Variants in DAAM1 observed in about 807,000 individuals in gnomAD.
DAAM1 encodes disheveled-associated activator of morphogenesis 1.
DAAM1 carries 52 observed loss-of-function variants against 130.0 expected under a neutral mutation model. The observed-to-expected ratio is 0.40, with a 90% CI of 0.32 to 0.50. DAAM1 has a LOEUF of 0.50. Among genes scored for constraint, DAAM1 ranks in the 20% least tolerant of loss-of-function variants. The pLI, the probability that DAAM1 is intolerant of heterozygous loss-of-function variation, is 0.61. For synonymous variants in DAAM1, 452 were observed against 444.5 expected, an observed-to-expected ratio of 1.02 and a Z score of -0.21; for missense variants, 1,134 against 1,303.8, an observed-to-expected ratio of 0.87 and a Z score of 2.01.
chr14:59,341,196 G>A (rs1435495462), intron 16 of DAAM1, among the ~76,000 whole-genome samples: 1 of 152,140 alleles, frequency 6.6e-6, no homozygotes, highest in African/African-American at 2.4e-5. Flanking sequence ...TCTTTGAATT[G>A]TAATGCAACT....
At chr14:59,259,428 C>T (rs956579702) in intron 1 of DAAM1, among the ~76,000 whole-genome samples, 3 of 152,170 alleles carry the variant, frequency 2.0e-5, no homozygotes, top group African/African-American at 7.2e-5. Flanking sequence ...ATGAGCTGGT[C>T]CTTGCCTATT....
chr14:59,326,844 A>C (rs1046036296), intron 11 of DAAM1, 89 bp from the exon 12 acceptor site: 3 of 1,568,300 alleles, frequency 1.9e-6, no homozygotes, highest in Non-Finnish European at 2.6e-6. Context: ...TTTTCTCTGC[A>C]GTAGACTATT....
intron 3 of DAAM1, among the ~76,000 whole-genome samples, chr14:59,308,704 A>G (rs1301054524): frequency 6.6e-6 from 1 of 152,210 alleles, no homozygotes; most frequent in Non-Finnish European, 1.5e-5. Flanking sequence ...AAAAACATGC[A>G]CATGTTTTAT....
chr14:59,226,099 T>C (rs746119526), intron 1 of DAAM1, among the ~76,000 whole-genome samples: 35 of 152,146 alleles, frequency 2.3e-4, no homozygotes, highest in Non-Finnish European at 4.6e-4. Flanking sequence ...AGACCTCTTA[T>C]TATTTTCAAG....
rs867039008 is a variant in DAAM1, at chr14:59,240,618, G to T, written c.-37-22823G>T. 4.6e-5 allele frequency among the ~76,000 whole-genome samples: 7 copies of T among 152,188 alleles called. No homozygotes were observed. In the South Asian group the frequency reaches 1.2e-3, roughly 27 times the overall value. Reference sequence around the variant, plus strand: ...TTTATCTATGCTGGCTTCATTTTGGGGTAGCTTCTGACACATGGTGGAAAA... The same window carrying T: ...TTTATCTATGCTGGCTTCATTTTGGTGTAGCTTCTGACACATGGTGGAAAA... On this transcript the variant is annotated intron_variant, in intron 1 of 24. Transcript: ENST00000360909.
At chr14:59,319,173 TACTC>T (rs1199351114) in intron 4 of DAAM1, among the ~76,000 whole-genome samples, 1 of 152,166 alleles carries the variant, frequency 6.6e-6, no homozygotes, top group Non-Finnish European at 1.5e-5. Context: ...CCAGCTTCCT[TACTC>T]ACCATCCCCT....
chr14:59,276,070 A>G (rs1248767226), intron 2 of DAAM1, among the ~76,000 whole-genome samples: 2 of 152,154 alleles, frequency 1.3e-5, no homozygotes, highest in South Asian at 2.1e-4. Context: ...ATGCACCTCT[A>G]TGGAAACTGA....
chr14:59,263,705 AG>A, intron 2 of DAAM1, 45 bp downstream of exon 2: 1 of 670,702 alleles, frequency 1.5e-6, no homozygotes, highest in Non-Finnish European at 2.0e-6. Context: ...GAGCCAGAGA[AG>A]GAGAAGAGGA....
chr14:59,314,484 T>TG (rs1171618196), intron 3 of DAAM1, among the ~76,000 whole-genome samples: 4 of 151,866 alleles, frequency 2.6e-5, no homozygotes, highest in Non-Finnish European at 5.9e-5. Flanking sequence ...TAACTGATTT[T>TG]TTTTTTTTTT....
At chr14:59,195,390 G>A (rs1483152440) in intron 1 of DAAM1, among the ~76,000 whole-genome samples, 3 of 152,048 alleles carry the variant, frequency 2.0e-5, no homozygotes, top group Non-Finnish European at 2.9e-5. Context: ...TGATCCGCCT[G>A]CCTCGGCCTC....
intron 3 of DAAM1, among the ~76,000 whole-genome samples, chr14:59,301,106 A>G (rs942078162): frequency 6.6e-6 from 1 of 152,068 alleles, no homozygotes; most frequent in Non-Finnish European, 1.5e-5. Flanking sequence ...CTAATATCTC[A>G]TTGCTCGATC....
At chr14:59,206,684 T>TA (rs1259786529) in intron 1 of DAAM1, among the ~76,000 whole-genome samples, 1 of 152,248 alleles carries the variant, frequency 6.6e-6, no homozygotes, top group Non-Finnish European at 1.5e-5. Context: ...AAACAGTAGA[T>TA]ACTCTTTAGG....
At chr14:59,222,110 A>G (rs1174638110) in intron 1 of DAAM1, among the ~76,000 whole-genome samples, 2 of 152,196 alleles carry the variant, frequency 1.3e-5, no homozygotes, top group Non-Finnish European at 2.9e-5. Flanking sequence ...AGGTTGTTCC[A>G]TTGTACAATC....
chr14:59,365,725 T>C (rs570728460), intron 23 of DAAM1, among the ~76,000 whole-genome samples: 2 of 152,238 alleles, frequency 1.3e-5, no homozygotes, highest in South Asian at 4.2e-4. Flanking sequence ...ATAAGCTGTT[T>C]GGGGGCACTG....
intron 1 of DAAM1, among the ~76,000 whole-genome samples, chr14:59,237,282 A>G (rs994001648): frequency 1.3e-5 from 2 of 152,222 alleles, no homozygotes; most frequent in African/African-American, 4.8e-5. Flanking sequence ...GGAGATAGAA[A>G]CATTCCAAAA....
intron 1 of DAAM1, among the ~76,000 whole-genome samples, chr14:59,197,460 T>A (rs1887934461): frequency 6.6e-6 from 1 of 152,240 alleles, no homozygotes; most frequent in African/African-American, 2.4e-5. Flanking sequence ...CCGCACCATG[T>A]TCTCAGAAGG....
At chr14:59,260,214 G>A (rs1224943672) in intron 1 of DAAM1, among the ~76,000 whole-genome samples, 1 of 152,116 alleles carries the variant, frequency 6.6e-6, no homozygotes, top group Non-Finnish European at 1.5e-5. Flanking sequence ...GAACATTTTT[G>A]CATACTCATG....
At chr14:59,293,039 C>T (rs1227217246) in intron 3 of DAAM1, among the ~76,000 whole-genome samples, 1 of 152,120 alleles carries the variant, frequency 6.6e-6, no homozygotes, top group Admixed American at 6.5e-5. Context: ...TTTCACACTG[C>T]CATCTTAAAA....
At chr14:59,353,574 C>G (rs575492475) in intron 18 of DAAM1, among the ~76,000 whole-genome samples, 3 of 152,144 alleles carry the variant, frequency 2.0e-5, no homozygotes, top group Non-Finnish European at 4.4e-5. Flanking sequence ...AGGAGAGATG[C>G]GCTTCAGTCA....
Sources: gnomAD v4.1 joint callset for allele counts (sites outside exome capture counted in the v4.1 genomes callset) on GRCh38, gnomAD v4.1.1 for gene constraint, MANE v1.5 for transcripts, NCBI Gene and HGNC (gene_info 2026-07-23, HGNC 2026-07-21) for gene names.